The following AFAP1L2 variants were observed in gnomAD, a reference collection of about 807,000 sequenced individuals.
AFAP1L2 encodes actin filament associated protein 1 like 2.
AFAP1L2 carries 46 observed loss-of-function variants against 99.3 expected under a neutral mutation model. The observed-to-expected ratio is 0.46, with a 90% CI of 0.37 to 0.59. AFAP1L2 has a LOEUF of 0.59. AFAP1L2 is among the 20% of genes least tolerant of loss of function. AFAP1L2 has a pLI of 0.00. For synonymous variants in AFAP1L2, 397 were observed against 419.1 expected, an observed-to-expected ratio of 0.95 and a Z score of 0.64; for missense variants, 959 against 1,034.9, an observed-to-expected ratio of 0.93 and a Z score of 1.01.
At chr10:114,289,387 G>C in the AFAP1L2 span, 4 of 1,608,570 alleles carry the variant, frequency 2.5e-6, no homozygotes, top group Admixed American at 1.7e-5. Flanking sequence ...CCTAAGTGAG[G>C]GTCTGCGGAG....
intron 4 of AFAP1L2, among the ~76,000 whole-genome samples, chr10:114,327,147 T>TTATATATTTATATATATA (rs2046422244): frequency 9.2e-5 from 5 of 54,538 alleles, no homozygotes. Context: ...TTATATATAT[T>TTATATATTTATATATATA]TATATATATA....
intron 17 of AFAP1L2, 47 bp from the exon 18 acceptor site, chr10:114,297,147 T>G: frequency 1.2e-6 from 2 of 1,610,592 alleles, no homozygotes; most frequent in South Asian, 1.1e-5. Flanking sequence ...GGGAGGGAGA[T>G]GTGACCCACC....
intron 1 of AFAP1L2, among the ~76,000 whole-genome samples, chr10:114,365,631 C>T (rs1201217219): frequency 1.3e-5 from 2 of 152,050 alleles, no homozygotes; most frequent in Non-Finnish European, 2.9e-5. Flanking sequence ...GCCTTTCTAG[C>T]CCAATTTCTT....
intron 4 of AFAP1L2, among the ~76,000 whole-genome samples, chr10:114,330,757 C>T (rs772830730): frequency 1.8e-4 from 28 of 152,304 alleles, no homozygotes; most frequent in Admixed American, 2.6e-4. Flanking sequence ...TTAGGTATGG[C>T]CTACATCTGT....
chr10:114,386,962 C>T (rs776498349), intron 1 of AFAP1L2, among the ~76,000 whole-genome samples: 2 of 152,210 alleles, frequency 1.3e-5, no homozygotes, highest in Non-Finnish European at 2.9e-5. Context: ...CTGACTGAAT[C>T]CCTTACTGAG....
At chr10:114,358,208 G>T (rs1056037496) in intron 1 of AFAP1L2, among the ~76,000 whole-genome samples, 3 of 152,142 alleles carry the variant, frequency 2.0e-5, no homozygotes, top group Non-Finnish European at 4.4e-5. Context: ...GTTTTATGAT[G>T]GGTAATTTTC....
chr10:114,357,904 T>C (rs886965865), intron 1 of AFAP1L2, among the ~76,000 whole-genome samples: 4 of 152,350 alleles, frequency 2.6e-5, no homozygotes, highest in African/African-American at 9.6e-5. Flanking sequence ...CTTTTGACAA[T>C]ACACACTTTC....
chr10:114,395,815 T>C (rs1284980003), intron 1 of AFAP1L2, among the ~76,000 whole-genome samples: 1 of 152,130 alleles, frequency 6.6e-6, no homozygotes, highest in Non-Finnish European at 1.5e-5. Context: ...GCTTCTCCCT[T>C]GCACTCAAAC....
intron 16 of AFAP1L2, among the ~76,000 whole-genome samples, chr10:114,298,596 A>C (rs570806487): frequency 7.9e-5 from 12 of 152,020 alleles, no homozygotes; most frequent in Non-Finnish European, 1.6e-4. Flanking sequence ...CACACCTGTA[A>C]TCCCAGCACT....
downstream of AFAP1L2, among the ~76,000 whole-genome samples, chr10:114,292,832 A>G (rs538718578): frequency 1.3e-5 from 2 of 151,918 alleles, no homozygotes; most frequent in East Asian, 3.9e-4. Flanking sequence ...CAGCCTCTTG[A>G]GTAGCTGGGA....
downstream of AFAP1L2, chr10:114,294,724 G>T: frequency 1.3e-6 from 1 of 757,944 alleles, no homozygotes; most frequent in Non-Finnish European, 1.6e-6. Flanking sequence ...TTTCCTGCTA[G>T]GATCCCATCT....
At chr10:114,289,263 C>T in the AFAP1L2 span, 1 of 1,614,144 alleles carries the variant, frequency 6.2e-7, no homozygotes, top group Non-Finnish European at 8.5e-7. Flanking sequence ...GGCCTGGTGT[C>T]CCCAAAGCTG....
intron 4 of AFAP1L2, among the ~76,000 whole-genome samples, chr10:114,323,630 G>C (rs1161535211): frequency 6.6e-6 from 1 of 152,126 alleles, no homozygotes; most frequent in African/African-American, 2.4e-5. Context: ...CTTTTAAATA[G>C]AATATATTTT....
At chr10:114,371,914 T>C (rs919033518) in intron 1 of AFAP1L2, among the ~76,000 whole-genome samples, 1 of 151,920 alleles carries the variant, frequency 6.6e-6, no homozygotes, top group Admixed American at 6.6e-5. Context: ...GTGAACTAAA[T>C]AGGACTCCAG....
intron 1 of AFAP1L2, among the ~76,000 whole-genome samples, chr10:114,360,710 G>A (rs920157743): frequency 6.6e-6 from 1 of 152,090 alleles, no homozygotes; most frequent in African/African-American, 2.4e-5. Flanking sequence ...TACACAGTTG[G>A]AAATTAAACC....
At chr10:114,290,864 G>GA (rs2039522665), downstream of AFAP1L2, among the ~76,000 whole-genome samples, 2 of 152,186 alleles carry the variant, frequency 1.3e-5, no homozygotes. Context: ...AGAGGTTTGA[G>GA]AGAAAAGAAG....
intron 1 of AFAP1L2, among the ~76,000 whole-genome samples, chr10:114,391,209 T>C (rs948142103): frequency 2.0e-5 from 3 of 151,824 alleles, no homozygotes; most frequent in African/African-American, 7.3e-5. Context: ...TCAGTTCCTG[T>C]TTCTTTCTTT....
intron 11 of AFAP1L2, among the ~76,000 whole-genome samples, chr10:114,304,237 G>A (rs908104873): frequency 1.3e-5 from 2 of 152,200 alleles, no homozygotes; most frequent in African/African-American, 2.4e-5. Context: ...TCCGCCTGCC[G>A]CAGCTTGCAA....
intron 1 of AFAP1L2, among the ~76,000 whole-genome samples, chr10:114,385,111 G>C (rs1219432015): frequency 6.6e-6 from 1 of 152,164 alleles, no homozygotes; most frequent in African/African-American, 2.4e-5. Flanking sequence ...AGTGAAGGTG[G>C]GTGTGATCGG....
Sources: gnomAD v4.1 joint callset for allele counts (sites outside exome capture counted in the v4.1 genomes callset) on GRCh38, gnomAD v4.1.1 for gene constraint, MANE v1.5 for transcripts, NCBI Gene and HGNC (gene_info 2026-07-23, HGNC 2026-07-21) for gene names.